ZNF606: variants seen among roughly 807,000 people sequenced by gnomAD.
The protein encoded by ZNF606 is zinc finger protein 328.
A neutral mutation model predicts 74.9 loss-of-function variants in ZNF606; 37 were observed. The ratio of observed to expected loss-of-function variants is 0.49; its 90% CI spans 0.38 to 0.65. The LOEUF (loss-of-function observed/expected upper bound fraction) is 0.65, where lower values mean the gene tolerates loss of function less well. Ranked by LOEUF, ZNF606 falls within the 30% of genes least tolerant of loss-of-function variation. ZNF606 has a pLI of 0.00. For missense variants in ZNF606, 852 were observed against 952.9 expected (o/e 0.89, Z 1.39); for synonymous variants, 328 against 312.4 (o/e 1.05, Z -0.53).
Position 57,979,541 on chromosome 19 carries a change from A to T in ZNF606, c.1139T>A (p.Val380Asp). 6.2e-7 allele frequency: 1 copy of T among 1,613,124 alleles called. No homozygotes were observed. The highest frequency in any genetic ancestry group is 8.5e-7 in the Non-Finnish European group (1 of 1,179,540). The change falls in exon 7 of 7, where the codon GTC (valine) becomes GAC (aspartate). Residue 380 changes from valine (V) to aspartate (D), a missense_variant. Physicochemically the swap from Val to Asp is radical, Grantham distance 152 (BLOSUM62 -3). Transcript: ENST00000551380. ...KAYKYNEWEK[V>D]FGYDSFLTQH... ...AGTAAGGAAAGAGTCATACCCAAAG[A>T]CTTTCTCCCATTCATTGTATTTATA...
chr19:57,985,284 C>CA (rs1309876897), intron 6 of ZNF606, among the ~76,000 whole-genome samples: 4 of 152,178 alleles, frequency 2.6e-5, no homozygotes, highest in Admixed American at 2.6e-4. Flanking sequence ...TGACAGCCCC[C>CA]ACTTCTGGTA....
At chr19:57,998,482 G>C (rs1011547516) in intron 4 of ZNF606, 1 of 152,180 alleles carries the variant, frequency 6.6e-6, no homozygotes, top group Non-Finnish European at 1.5e-5. Flanking sequence ...GCCATATTAT[G>C]ATTCCATTTT....
intron 6 of ZNF606, among the ~76,000 whole-genome samples, chr19:57,983,385 G>C (rs1251060362): frequency 6.6e-6 from 1 of 152,074 alleles, no homozygotes; most frequent in Non-Finnish European, 1.5e-5. Flanking sequence ...GACCAGCCTG[G>C]CCAGCATGGT....
chr19:58,000,793 G>A (rs989618995), intron 2 of ZNF606, 54 bp from the exon 3 acceptor site: 76 of 1,481,910 alleles, frequency 5.1e-5, no homozygotes, highest in Admixed American at 2.2e-4. Context: ...GATTCAAGGC[G>A]ACAAAATACA....
At chr19:57,981,817 G>A (rs534195188) in intron 6 of ZNF606, among the ~76,000 whole-genome samples, 20 of 152,300 alleles carry the variant, frequency 1.3e-4, no homozygotes, top group African/African-American at 4.8e-4. Context: ...GATGGACTAG[G>A]AAGACAGCAT....
chr19:57,982,245 C>T lies in ZNF606; in HGVS notation c.401-1966G>A, dbSNP rs533102915. On this transcript the variant is annotated intron_variant, in intron 6 of 6. Transcript: ENST00000551380. The stretch of plus-strand genomic sequence containing the variant: ...TAGAAGCTGCCCCAATTCCTTGGCT[C>T]GCAGCTCCTTCCTCCATCTGCAAAG... 9.9e-5 allele frequency among the ~76,000 whole-genome samples: 15 copies of T among 152,220 alleles called. 1 individual carries two copies. Among genetic ancestry groups the T allele is most frequent in the Admixed American group, 7.2e-4 (11 of 15,282 alleles).
Position 57,980,179 on chromosome 19 carries a change from A to G in ZNF606, c.501T>C (p.Asp167=), listed in dbSNP as rs1297715132. 2 of 1,614,070 alleles carry G rather than the reference A, an allele frequency of 1.2e-6. No homozygotes were observed. Among genetic ancestry groups the G allele is most frequent in the African/African-American group, 1.3e-5 (1 of 74,930 alleles). Residue 167 remains aspartate (D), a synonymous_variant, in exon 7 of 7, where the codon GAT becomes GAC. Transcript: ENST00000551380. ...HGMKLERYIW[D]DPWFSRLEVL... ...CTTCTAACCTGGAGAACCAAGGATCATCCCATATATATCTTTCCAACTTCA... is the reference window on the plus strand; with the variant it reads ...CTTCTAACCTGGAGAACCAAGGATCGTCCCATATATATCTTTCCAACTTCA...
At chr19:57,988,040 G>C (rs1028249983) in intron 6 of ZNF606, among the ~76,000 whole-genome samples, 167 bp downstream of exon 6, 1 of 152,182 alleles carries the variant, frequency 6.6e-6, no homozygotes, top group East Asian at 1.9e-4. Context: ...TACCTTATTA[G>C]GATGGTGATG....
intron 3 of ZNF606, chr19:58,000,441 G>C: frequency 1.7e-6 from 1 of 603,720 alleles, no homozygotes. Context: ...TAGCCAGGAT[G>C]GTCTCGATCT....
Position 57,978,765 on chromosome 19 carries a change from G to T in ZNF606, c.1915C>A (p.Leu639Ile), listed in dbSNP as rs1466568480. 4 of 1,614,140 alleles carry T rather than the reference G, an allele frequency of 2.5e-6. No homozygotes were observed. Among genetic ancestry groups the T allele is most frequent in the Admixed American group, 1.7e-5 (1 of 60,024 alleles). Residue 639 changes from leucine to isoleucine, a missense_variant, in exon 7 of 7, where the codon CTT (leucine) becomes ATT (isoleucine). Leu to Ile is a conservative substitution (Grantham distance 5). Transcript: ENST00000551380. This position sits in a 1 kb window ranked among gnomAD's most constrained non-coding sequence, Gnocchi z 4.4. The stretch of plus-strand genomic sequence containing the variant: ...GTATGAGTCCTTTGATGTCTAACAA[G>T]GTGAGCCATCTGGCTACAGGATTTT... The part of the protein sequence containing the change: ...CGKSCSQMAH[L>I]VRHQRTHTGE...
intron 6 of ZNF606, among the ~76,000 whole-genome samples, chr19:57,986,958 T>C (rs888109249): frequency 6.6e-6 from 1 of 151,926 alleles, no homozygotes; most frequent in Admixed American, 6.6e-5. Flanking sequence ...AGCATGACGG[T>C]GCATGGCTGT....
At chr19:57,999,710 C>T (rs1038022750) in intron 4 of ZNF606, 98 bp downstream of exon 4, 52 of 1,297,462 alleles carry the variant, frequency 4.0e-5, no homozygotes, top group Middle Eastern at 1.9e-4. Context: ...CCTTCCCTAC[C>T]CAAACTCCAA....
intron 1 of ZNF606, chr19:58,002,032 T>C (rs905104241): frequency 2.7e-6 from 1 of 376,926 alleles, no homozygotes; most frequent in Admixed American, 3.2e-5. Flanking sequence ...ACCTCTCGAA[T>C]GGATTCCTGG....
At chr19:57,993,026 T>C (rs1314520420) in intron 4 of ZNF606, among the ~76,000 whole-genome samples, 1 of 152,164 alleles carries the variant, frequency 6.6e-6, no homozygotes, top group Non-Finnish European at 1.5e-5. Flanking sequence ...AAAGTCCTTA[T>C]CAGTGAGAGA....
rs1482481353 is a variant in ZNF606, at chr19:57,978,513, G to A, written c.2167C>T (p.Leu723Phe). The A allele has an allele frequency of 1.9e-6, 3 of 1,613,878 alleles. No homozygotes were observed. Among genetic ancestry groups the A allele is most frequent in the African/African-American group, 1.3e-5 (1 of 74,896 alleles). ...CGKAFNESSS[L>F]IVHLRNHTGE... Reference sequence around the variant, plus strand: ...GTATGGTTTCTTAGGTGTACAATAAGGGATGAACTCTCATTAAATGCTTTC... The same window carrying A: ...GTATGGTTTCTTAGGTGTACAATAAAGGATGAACTCTCATTAAATGCTTTC... Residue 723 changes from leucine to phenylalanine, a missense_variant, in exon 7 of 7, where the codon CTT becomes TTT. This residue lies in a region of ZNF606 where 243 missense variants were observed against 359.2 expected (regional missense o/e 0.68). Coordinates refer to ENST00000551380, the MANE Select transcript of ZNF606 (RefSeq NM_001348022.3). This position sits in a 1 kb window ranked among gnomAD's most constrained non-coding sequence, Gnocchi z 4.4.
chr19:57,998,601 T>C (rs574287110), intron 4 of ZNF606: 11 of 152,294 alleles, frequency 7.2e-5, no homozygotes, highest in Admixed American at 5.2e-4. Context: ...GATTTCTTTT[T>C]AGGGTGATGA....
intron 4 of ZNF606, chr19:57,998,466 G>A (rs2073369866): frequency 6.6e-6 from 1 of 152,158 alleles, no homozygotes; most frequent in Non-Finnish European, 1.5e-5. Context: ...AGACAAAAAA[G>A]GCTGTGCCAT....
intron 2 of ZNF606, 149 bp downstream of exon 2, chr19:58,001,140 C>A: frequency 1.1e-6 from 1 of 883,536 alleles, no homozygotes; most frequent in Admixed American, 2.8e-5. Context: ...AACAATTTTC[C>A]TCCTTTACCA....
intron 6 of ZNF606, among the ~76,000 whole-genome samples, chr19:57,985,024 G>A (rs1327182656): frequency 6.6e-6 from 1 of 152,184 alleles, no homozygotes; most frequent in Non-Finnish European, 1.5e-5. Context: ...GACCCTGGGA[G>A]GCGGAGCTTG....
Sources: allele counts gnomAD v4.1 joint callset (sites outside exome capture counted in the v4.1 genomes callset), GRCh38; gene constraint gnomAD v4.1.1; regional missense constraint gnomAD v4.1.1; non-coding constraint Gnocchi (gnomAD v3.1); transcripts MANE v1.5; gene names NCBI Gene and HGNC (gene_info 2026-07-23, HGNC 2026-07-21).